Variants in YWHAQ observed in about 807,000 individuals in gnomAD.
YWHAQ encodes the protein 14-3-3 protein theta.
In YWHAQ, 6 loss-of-function variants were observed where a neutral mutation model predicts 28.3. That is an observed-to-expected ratio of 0.21 (90% CI 0.12 to 0.42). The LOEUF (loss-of-function observed/expected upper bound fraction) is 0.42, where lower values mean the gene tolerates loss of function less well. Ranked by LOEUF, YWHAQ falls within the 10% of genes least tolerant of loss-of-function variation. YWHAQ has a pLI of 1.00. For synonymous variants in YWHAQ, 143 were observed against 119.1 expected (o/e 1.20, Z -1.31); for missense variants, 201 against 305.6 (o/e 0.66, Z 2.55).
chr2:9,609,714 T>C (rs1404171720), intron 2 of YWHAQ, among the ~76,000 whole-genome samples: 1 of 152,178 alleles, frequency 6.6e-6, no homozygotes, highest in Non-Finnish European at 1.5e-5. Context: ...TGATTTTTCA[T>C]CAGAAAACAA....
At chr2:9,609,918 T>G (rs1388410113) in intron 2 of YWHAQ, among the ~76,000 whole-genome samples, 7 of 152,300 alleles carry the variant, frequency 4.6e-5, no homozygotes, top group African/African-American at 1.7e-4. Flanking sequence ...AAAGAAGTCA[T>G]CAATTAGAGT....
intron 2 of YWHAQ, among the ~76,000 whole-genome samples, chr2:9,622,124 T>G (rs1239529111): frequency 1.3e-5 from 2 of 151,524 alleles, no homozygotes; most frequent in East Asian, 1.9e-4. Flanking sequence ...CCATGGCACA[T>G]GTATACCTAT....
intron 2 of YWHAQ, among the ~76,000 whole-genome samples, chr2:9,593,917 T>C (rs1278009313): frequency 7.7e-5 from 8 of 104,232 alleles, no homozygotes; most frequent in Non-Finnish European, 1.3e-4. Context: ...TATATATATA[T>C]ATATATACAC....
chr2:9,591,766 C>T (rs928531495), intron 2 of YWHAQ, among the ~76,000 whole-genome samples: 1 of 152,212 alleles, frequency 6.6e-6, no homozygotes, highest in African/African-American at 2.4e-5. Flanking sequence ...TTACACCAAA[C>T]ATTGTAATTT....
chr2:9,619,749 C>T (rs1667104140), intron 2 of YWHAQ, among the ~76,000 whole-genome samples: 1 of 152,162 alleles, frequency 6.6e-6, no homozygotes, highest in African/African-American at 2.4e-5. Context: ...ACCTTTCCAA[C>T]CTCTTATCCA....
intron 2 of YWHAQ, among the ~76,000 whole-genome samples, chr2:9,610,519 T>C (rs1229243170): frequency 6.6e-6 from 1 of 152,138 alleles, no homozygotes; most frequent in Non-Finnish European, 1.5e-5. Flanking sequence ...ACTTTACTCT[T>C]TTTTTTGAGA....
At chr2:9,624,130 C>G (rs1667199411) in intron 2 of YWHAQ, among the ~76,000 whole-genome samples, 1 of 152,150 alleles carries the variant, frequency 6.6e-6, no homozygotes, top group Non-Finnish European at 1.5e-5. Context: ...GTGGCAAGTG[C>G]CTGTAGTCCC....
rs574732704 is a variant in YWHAQ at position 9,598,928 on chromosome 2, C to T, written c.295-7413G>A. Among the ~76,000 whole-genome samples the T allele has an allele frequency of 5.3e-5, 8 of 152,274 alleles. No individual in the cohort carries two copies. The South Asian group carries it at 1.5e-3, about 28-fold the overall frequency. On this transcript the variant is annotated intron_variant, in intron 2 of 5. Transcript: ENST00000238081. ...ATTAAACTTAGTGAGGAAGGCATGT[C>T]GAAAGCCAAGACAAGCTAAAGCTGG...
chr2:9,587,841 G>A (rs1033181348), intron 4 of YWHAQ, among the ~76,000 whole-genome samples: 12 of 152,228 alleles, frequency 7.9e-5, no homozygotes, highest in African/African-American at 2.9e-4. Context: ...TTTGAGGAAT[G>A]TGGCTGATGC....
chr2:9,603,704 A>G (rs1168824542), intron 2 of YWHAQ, among the ~76,000 whole-genome samples: 1 of 151,862 alleles, frequency 6.6e-6, no homozygotes, highest in Non-Finnish European at 1.5e-5. Flanking sequence ...CAGATGGATC[A>G]TTCGCGGTCA....
chr2:9,612,030 C>G (rs1364905970), intron 2 of YWHAQ, among the ~76,000 whole-genome samples: 2 of 152,220 alleles, frequency 1.3e-5, no homozygotes, highest in Admixed American at 1.3e-4. Flanking sequence ...GATCTCCCAG[C>G]CACCTACGTT....
intron 3 of YWHAQ, among the ~76,000 whole-genome samples, chr2:9,589,587 TTAA>T (rs61426426): frequency 4.0e-5 from 6 of 151,894 alleles, no homozygotes; most frequent in East Asian, 3.9e-4. Context: ...CCATTCAAAA[TTAA>T]TAATAATAAT....
chr2:9,593,194 G>GACTAAAAGT (rs1406744143), intron 2 of YWHAQ, among the ~76,000 whole-genome samples: 3 of 149,992 alleles, frequency 2.0e-5, no homozygotes, highest in Non-Finnish European at 4.4e-5. Context: ...TTGTTTATCT[G>GACTAAAAGT]ACTAAAAGTG....
chr2:9,623,293 C>A (rs1329083429), intron 2 of YWHAQ, among the ~76,000 whole-genome samples: 1 of 152,212 alleles, frequency 6.6e-6, no homozygotes, highest in Non-Finnish European at 1.5e-5. Context: ...ACCTTCTCAA[C>A]CACTGCTGAT....
chr2:9,597,063 A>G (rs778827795), intron 2 of YWHAQ, among the ~76,000 whole-genome samples: 17 of 152,230 alleles, frequency 1.1e-4, no homozygotes, highest in Non-Finnish European at 2.2e-4. Context: ...CGTTAGCTCT[A>G]TAATCTTGTA....
chr2:9,597,340 T>G (rs1666591867), intron 2 of YWHAQ, among the ~76,000 whole-genome samples: 1 of 152,192 alleles, frequency 6.6e-6, no homozygotes, highest in African/African-American at 2.4e-5. Context: ...TTGTGTTATT[T>G]TTAAATGTTA....
chr2:9,602,237 G>C (rs1666707642), intron 2 of YWHAQ, among the ~76,000 whole-genome samples: 1 of 151,930 alleles, frequency 6.6e-6, no homozygotes, highest in African/African-American at 2.4e-5. Flanking sequence ...GATTAGTCTG[G>C]GCAGCTAAGC....
intron 2 of YWHAQ, among the ~76,000 whole-genome samples, chr2:9,620,926 G>A (rs957624972): frequency 6.6e-6 from 1 of 152,132 alleles, no homozygotes; most frequent in African/African-American, 2.4e-5. Context: ...ATTAACTTCA[G>A]TAATTAAATT....
Position 9,630,073 on chromosome 2 carries a change from G to A in YWHAQ, c.294+86C>T, listed in dbSNP as rs1293865891. On this transcript the variant is annotated intron_variant, in intron 2 of 5. Coordinates refer to ENST00000238081, the MANE Select transcript of YWHAQ (RefSeq NM_006826.4). The surrounding 1 kb of genome is among the most constrained non-coding windows in gnomAD (Gnocchi z 5.6). ...CCAGCAGACAGTCCGGCAAGCCCCG[G>A]CTCACGTTTGTTTCCGTGCCCGCGA... The A allele has an allele frequency of 2.6e-6, 4 of 1,528,334 alleles. No individual in the cohort carries two copies. Among genetic ancestry groups the A allele is most frequent in the Admixed American group, 1.8e-5 (1 of 55,310 alleles). The allele number at this position is 1,528,334 out of a possible 1,614,324, so 94.7% of individuals were successfully genotyped here.
Sources: allele counts gnomAD v4.1 joint callset (sites outside exome capture counted in the v4.1 genomes callset), GRCh38; gene constraint gnomAD v4.1.1; non-coding constraint Gnocchi (gnomAD v3.1); transcripts MANE v1.5; gene names NCBI Gene and HGNC (gene_info 2026-07-23, HGNC 2026-07-21).